Variants in LHFPL3 observed in about 807,000 individuals in gnomAD.
LHFPL3 encodes LHFPL tetraspan subfamily member 3 protein.
Under a neutral mutation model 19.3 loss-of-function variants are expected in LHFPL3, and 5 were observed. That is an observed-to-expected ratio of 0.26 (90% CI 0.14 to 0.54). LHFPL3 has a LOEUF of 0.54. Among genes scored for constraint, LHFPL3 ranks in the 20% least tolerant of loss-of-function variants. The pLI, the probability that LHFPL3 is intolerant of heterozygous loss-of-function variation, is 0.94. For missense variants in LHFPL3, 249 were observed against 307.4 expected (o/e 0.81, Z 1.42); for synonymous variants, 133 against 126.2 (o/e 1.05, Z -0.36).
chr7:104,398,166 G>A (rs1222364449), intron 1 of LHFPL3, among the ~76,000 whole-genome samples: 1 of 151,774 alleles, frequency 6.6e-6, no homozygotes, highest in African/African-American at 2.4e-5. Flanking sequence ...AAGTGCTGGC[G>A]TCTAGCATGA....
intron 1 of LHFPL3, among the ~76,000 whole-genome samples, chr7:104,598,674 C>T (rs1180058406): frequency 6.6e-6 from 1 of 152,226 alleles, no homozygotes; most frequent in Non-Finnish European, 1.5e-5. Flanking sequence ...AAAGCTTCAT[C>T]ATAGAGTCCT....
At chr7:104,653,112 G>C (rs1792060741) in intron 1 of LHFPL3, among the ~76,000 whole-genome samples, 1 of 152,186 alleles carries the variant, frequency 6.6e-6, no homozygotes, top group African/African-American at 2.4e-5. Context: ...TTGTCCCAGG[G>C]ACATGGCCTT....
chr7:104,374,208 A>ATGTG (rs1006955104), intron 1 of LHFPL3, among the ~76,000 whole-genome samples: 25,495 of 146,986 alleles, frequency 0.17, 2,230 homozygotes, highest in Middle Eastern at 0.26. Context: ...CTATCTATAT[A>ATGTG]TGTGTGTGTG....
At chr7:104,726,501 C>G (rs1379138449) in intron 1 of LHFPL3, among the ~76,000 whole-genome samples, 2 of 152,108 alleles carry the variant, frequency 1.3e-5, no homozygotes, top group Non-Finnish European at 2.9e-5. Flanking sequence ...CCTAACCCAG[C>G]AGGCCCCAGT....
intron 1 of LHFPL3, among the ~76,000 whole-genome samples, chr7:104,656,103 A>G (rs1164945093): frequency 6.6e-6 from 1 of 152,208 alleles, no homozygotes. Context: ...AAAATAAACA[A>G]TATTACTGCT....
At chr7:104,370,253 C>T (rs1206213055) in intron 1 of LHFPL3, among the ~76,000 whole-genome samples, 1 of 152,146 alleles carries the variant, frequency 6.6e-6, no homozygotes, top group Non-Finnish European at 1.5e-5. Flanking sequence ...GAGCCTGGTT[C>T]TGAGAGTGTA....
At chr7:104,884,226 T>A (rs1402319167) in intron 2 of LHFPL3, among the ~76,000 whole-genome samples, 1 of 152,182 alleles carries the variant, frequency 6.6e-6, no homozygotes, top group Non-Finnish European at 1.5e-5. Context: ...GGAGAAGGCA[T>A]CTGCTTCCAT....
At chr7:104,720,960 C>T (rs139775656) in intron 1 of LHFPL3, among the ~76,000 whole-genome samples, 4 of 152,270 alleles carry the variant, frequency 2.6e-5, no homozygotes, top group African/African-American at 9.6e-5. Context: ...TTAGTTCAAC[C>T]ATTGAGGAAG....
At chr7:104,381,756 C>G (rs1790833787) in intron 1 of LHFPL3, among the ~76,000 whole-genome samples, 1 of 152,144 alleles carries the variant, frequency 6.6e-6, no homozygotes. Context: ...CATTTACATT[C>G]TACCAAAAAC....
chr7:104,423,265 C>T (rs1562892767), intron 1 of LHFPL3, among the ~76,000 whole-genome samples: 2 of 152,098 alleles, frequency 1.3e-5, no homozygotes, highest in Non-Finnish European at 2.9e-5. Flanking sequence ...AATTGGGCTG[C>T]TATGGAAGTA....
At chr7:104,729,864 T>A (rs1387805269) in intron 1 of LHFPL3, among the ~76,000 whole-genome samples, 1 of 152,122 alleles carries the variant, frequency 6.6e-6, no homozygotes, top group Non-Finnish European at 1.5e-5. Context: ...TCATTTACAT[T>A]AGGTATATCT....
At chr7:104,824,591 AATTATATATTATATATAATTATAT>A (rs1790775487) in intron 2 of LHFPL3, among the ~76,000 whole-genome samples, 1 of 76,550 alleles carries the variant, frequency 1.3e-5, no homozygotes, top group Non-Finnish European at 2.3e-5. Context: ...TAATATATAT[AATTATATATTATATATAATTATAT>A]ATATTATTTT....
rs544902479 is a variant in LHFPL3 at position 104,594,783 on chromosome 7, A to T, written c.446-141892A>T. On this transcript the variant is annotated intron_variant, in intron 1 of 2. Coordinates refer to ENST00000424859, the MANE Select transcript of LHFPL3 (RefSeq NM_199000.3). ...CCTTGTTTACTTGTTTTATTTCATTAATTTGATCTTCAGTCACTGATACCC... is the reference window on the plus strand; with the variant it reads ...CCTTGTTTACTTGTTTTATTTCATTTATTTGATCTTCAGTCACTGATACCC... Among the ~76,000 whole-genome samples the T allele has an allele frequency of 2.0e-5, 3 of 152,170 alleles. No individual in the cohort carries two copies. The South Asian group carries it at 6.2e-4, about 32-fold the overall frequency.
chr7:104,761,616 G>A (rs189572906), intron 2 of LHFPL3, among the ~76,000 whole-genome samples: 38 of 152,216 alleles, frequency 2.5e-4, no homozygotes, highest in African/African-American at 9.1e-4. Flanking sequence ...AAAATAAAAA[G>A]TAGATTCCTA....
chr7:104,570,032 A>G lies in LHFPL3; in HGVS notation c.446-166643A>G, dbSNP rs76161850. 2.3e-3 allele frequency among the ~76,000 whole-genome samples: 349 copies of G among 152,362 alleles called. 3 individuals are homozygous for G. The highest frequency in any genetic ancestry group is 8.2e-3 in the African/African-American group (343 of 41,578). On this transcript the variant is annotated intron_variant, in intron 1 of 2. Transcript: ENST00000424859. ...TTGAAGCATTAGAGTCTTATGCGAA[A>G]ATGCTAATTTCTCTCAAATACATCT...
chr7:104,445,562 G>A (rs948405758), intron 1 of LHFPL3, among the ~76,000 whole-genome samples: 1 of 152,142 alleles, frequency 6.6e-6, no homozygotes, highest in African/African-American at 2.4e-5. Flanking sequence ...GAGAAATGGT[G>A]CCTGTCCCTA....
chr7:104,329,393 G>C (rs1454866502), intron 1 of LHFPL3, among the ~76,000 whole-genome samples, 169 bp downstream of exon 1: 1 of 152,194 alleles, frequency 6.6e-6, no homozygotes, highest in Non-Finnish European at 1.5e-5. Flanking sequence ...CGGAACCCCC[G>C]GGGTTCCCCA....
chr7:104,726,953 T>C (rs1024590157), intron 1 of LHFPL3, among the ~76,000 whole-genome samples: 4 of 152,204 alleles, frequency 2.6e-5, no homozygotes, highest in African/African-American at 7.2e-5. Flanking sequence ...TCACCAACAG[T>C]GTAAAAGTGT....
At chr7:104,452,789 C>G (rs933471107) in intron 1 of LHFPL3, among the ~76,000 whole-genome samples, 30 of 152,116 alleles carry the variant, frequency 2.0e-4, no homozygotes, top group African/African-American at 7.0e-4. Context: ...AATATGTGAA[C>G]AAAAGTTTAA....
Sources: gnomAD v4.1 joint callset for allele counts (sites outside exome capture counted in the v4.1 genomes callset) on GRCh38, gnomAD v4.1.1 for gene constraint, MANE v1.5 for transcripts, NCBI Gene and HGNC (gene_info 2026-07-23, HGNC 2026-07-21) for gene names.